UBE2O: variants seen among roughly 807,000 people sequenced by gnomAD.
UBE2O encodes (E3-independent) E2 ubiquitin-conjugating enzyme.
UBE2O carries 15 observed loss-of-function variants against 125.8 expected under a neutral mutation model. The observed-to-expected ratio is 0.12, with a 90% CI of 0.08 to 0.18. UBE2O has a LOEUF of 0.18. UBE2O is among the 10% of genes least tolerant of loss of function. UBE2O has a pLI of 1.00. For synonymous variants in UBE2O, 708 were observed against 703.2 expected, an observed-to-expected ratio of 1.01 and a Z score of -0.11; for missense variants, 1,280 against 1,723.6, an observed-to-expected ratio of 0.74 and a Z score of 4.56.
intron 15 of UBE2O, among the ~76,000 whole-genome samples, chr17:76,392,521 T>G (rs1203278693): frequency 6.6e-6 from 1 of 151,962 alleles, no homozygotes; most frequent in Non-Finnish European, 1.5e-5. Flanking sequence ...TGCCTCGGCC[T>G]CCCAAAGTGC....
In UBE2O at chr17:76,398,448, G is replaced by A. The variant is rs1460712908; in HGVS notation, c.1896+24C>T. On this transcript the variant is annotated intron_variant, in intron 11 of 17. Transcript: ENST00000319380. The surrounding 1 kb of genome is among the most constrained non-coding windows in gnomAD (Gnocchi z 5.4). ...CACCCAACCCCAGAGCCCACCTGAA[G>A]CAAGCAGTAGGGGCTGCACACACCT... The A allele has an allele frequency of 1.9e-6, 3 of 1,614,040 alleles. No individual in the cohort carries two copies. The highest frequency in any genetic ancestry group is 2.2e-5 in the East Asian group (1 of 44,880).
chr17:76,412,389 C>T (rs777506157), intron 1 of UBE2O, among the ~76,000 whole-genome samples: 1 of 152,294 alleles, frequency 6.6e-6, no homozygotes, highest in Admixed American at 6.5e-5. Context: ...CACTCCTCCA[C>T]CCCCTCCCTG....
intron 1 of UBE2O, among the ~76,000 whole-genome samples, chr17:76,440,948 C>T (rs2073068814): frequency 6.6e-6 from 1 of 152,208 alleles, no homozygotes; most frequent in Admixed American, 6.5e-5. Flanking sequence ...TCTCTCCCCA[C>T]AGCACCCAGC....
In UBE2O at chr17:76,405,924, G is replaced by A. The variant is rs1407015725; in HGVS notation, c.418-352C>T. Among the ~76,000 whole-genome samples, 1 of 152,234 alleles carries A rather than the reference G, an allele frequency of 6.6e-6. No homozygotes were observed. Among genetic ancestry groups the A allele is most frequent in the Admixed American group, 6.5e-5 (1 of 15,288 alleles). ...GATTTAACAGCCCATTCTACAGAGAGCAAAACATTTGCTTTGCGTTCAATC... is the reference window on the plus strand; with the variant it reads ...GATTTAACAGCCCATTCTACAGAGAACAAAACATTTGCTTTGCGTTCAATC... On this transcript the variant is annotated intron_variant, in intron 1 of 17. Transcript: ENST00000319380. The surrounding 1 kb of genome is among the most constrained non-coding windows in gnomAD (Gnocchi z 6.1).
chr17:76,400,896 C>T lies in UBE2O; in HGVS notation c.894+115G>A. On this transcript the variant is annotated intron_variant, in intron 6 of 17. Coordinates refer to ENST00000319380, the MANE Select transcript of UBE2O (RefSeq NM_022066.4). The surrounding 1 kb of genome is among the most constrained non-coding windows in gnomAD (Gnocchi z 4.3). ...CAAAGCCCTTTGAGATCAACAGGGTCCAGATGCTGAGGAGCGGGGCTCAAC... is the reference window on the plus strand; with the variant it reads ...CAAAGCCCTTTGAGATCAACAGGGTTCAGATGCTGAGGAGCGGGGCTCAAC... 1 of 1,285,458 alleles carries T rather than the reference C, an allele frequency of 7.8e-7. No individual in the cohort carries two copies. The highest frequency in any genetic ancestry group is 1.4e-5 in the South Asian group (1 of 70,162). The allele number at this position is 1,285,458 out of a possible 1,614,324, so 79.6% of individuals were successfully genotyped here.
Position 76,390,865 on chromosome 17 carries a change from AG to A in UBE2O, c.*77del, listed in dbSNP as rs1361464248. On this transcript the variant is annotated 3_prime_UTR_variant, in exon 18 of 18. Coordinates refer to ENST00000319380, the MANE Select transcript of UBE2O (RefSeq NM_022066.4). ...AGTGGGGACAGAGGGGCATGGGAAG[AG>A]GGGTGATTCCGGGGGGGAGTGAGCA... The A allele has an allele frequency of 2.1e-6, 3 of 1,427,268 alleles. No homozygotes were observed. The highest frequency in any genetic ancestry group is 2.8e-6 in the Non-Finnish European group (3 of 1,056,774). The allele number at this position is 1,427,268 out of a possible 1,614,324, so 88.4% of individuals were successfully genotyped here. A position where few individuals can be genotyped will look rare whatever the true frequency, so the allele number is the denominator to read the frequency against.
At chr17:76,403,178 A>G (rs1053181127) in intron 3 of UBE2O, among the ~76,000 whole-genome samples, 2 of 152,168 alleles carry the variant, frequency 1.3e-5, no homozygotes, top group African/African-American at 4.8e-5. Flanking sequence ...TTACTAACAG[A>G]AAGGGAGCAG....
At chr17:76,446,181 G>A (rs1024876147) in intron 1 of UBE2O, among the ~76,000 whole-genome samples, 1 of 152,152 alleles carries the variant, frequency 6.6e-6, no homozygotes, top group Non-Finnish European at 1.5e-5. Flanking sequence ...ATCAGAATAG[G>A]AGCACAGATC....
At chr17:76,417,862 C>T (rs1014049201) in intron 1 of UBE2O, among the ~76,000 whole-genome samples, 5 of 152,202 alleles carry the variant, frequency 3.3e-5, no homozygotes, top group Admixed American at 6.5e-5. Flanking sequence ...TCTCACTGCA[C>T]CTGCAGAATT....
At chr17:76,394,164 CCGCTTGGCTGCTCTCAGGAT>C (rs886547583) in intron 15 of UBE2O, among the ~76,000 whole-genome samples, 42 of 152,342 alleles carry the variant, frequency 2.8e-4, no homozygotes, top group Admixed American at 9.8e-4. Context: ...CAACAGCATC[CCGCTTGGCTGCTCTCAGGAT>C]CGCTTGGCTG....
At position 76,434,010 on chromosome 17, in the gene UBE2O, A is replaced by C. The variant is rs114806992; in HGVS notation, c.417+18715T>G. On this transcript the variant is annotated intron_variant, in intron 1 of 17. Coordinates refer to ENST00000319380, the MANE Select transcript of UBE2O (RefSeq NM_022066.4). ...TCAAACTATACTCACCAGAAGACAAAAACGAGCCCTCCTAACATCTTCTAC... is the reference window on the plus strand; with the variant it reads ...TCAAACTATACTCACCAGAAGACAACAACGAGCCCTCCTAACATCTTCTAC... 3.1e-3 allele frequency among the ~76,000 whole-genome samples: 476 copies of C among 152,362 alleles called. 5 individuals carry two copies. Among genetic ancestry groups the C allele is most frequent in the African/African-American group, 0.011 (451 of 41,582 alleles).
chr17:76,443,929 G>C lies in UBE2O; in HGVS notation c.417+8796C>G, dbSNP rs193282444. Among the ~76,000 whole-genome samples, 167 of 152,284 alleles carry C rather than the reference G, an allele frequency of 1.1e-3. 2 individuals are homozygous for C. The highest frequency in any genetic ancestry group is 3.8e-3 in the African/African-American group (160 of 41,568). On this transcript the variant is annotated intron_variant, in intron 1 of 17. Coordinates refer to ENST00000319380, the MANE Select transcript of UBE2O (RefSeq NM_022066.4). ...CCCAAGGAAGGAAATACCGTTAAGA[G>C]GGCATGGTCGGCCAGGCGCGGTAGC...
rs1455757282 is a variant in UBE2O at position 76,404,631 on chromosome 17, T to TG, written c.588+574dup. Among the ~76,000 whole-genome samples the TG allele has an allele frequency of 7.2e-5, 11 of 152,196 alleles. No individual in the cohort carries two copies. The highest frequency in any genetic ancestry group is 2.7e-4 in the African/African-American group (11 of 41,438). ...AATTATCAACGTTGATTTCCCAATCTGGGGGTTATATGGTGGTTGCACAGG... is the reference window on the plus strand; with the variant it reads ...AATTATCAACGTTGATTTCCCAATCTGGGGGGTTATATGGTGGTTGCACAGG... On this transcript the variant is annotated intron_variant, in intron 3 of 17. Transcript: ENST00000319380. The surrounding 1 kb of genome is among the most constrained non-coding windows in gnomAD (Gnocchi z 4.3).
At chr17:76,446,455 A>G (rs2073152648) in intron 1 of UBE2O, among the ~76,000 whole-genome samples, 1 of 121,082 alleles carries the variant, frequency 8.3e-6, no homozygotes, top group Non-Finnish European at 1.7e-5. Context: ...GAAAAAACAA[A>G]AACAAACAAA....
rs188326696 is a variant in UBE2O, at chr17:76,420,637, C to T, written c.418-15065G>A. Among the ~76,000 whole-genome samples, 242 of 152,310 alleles carry T rather than the reference C, an allele frequency of 1.6e-3. 1 individual carries two copies. Among genetic ancestry groups the T allele is most frequent in the Non-Finnish European group, 5.3e-4 (36 of 68,030 alleles). The stretch of plus-strand genomic sequence containing the variant: ...TGTAACTACATCTTTGCGAGACAAA[C>T]TGGGCTGGGGCGCTGCAGACATTTC... On this transcript the variant is annotated intron_variant, in intron 1 of 17. Coordinates refer to ENST00000319380, the MANE Select transcript of UBE2O (RefSeq NM_022066.4).
At chr17:76,440,338 C>CT (rs1254272012) in intron 1 of UBE2O, among the ~76,000 whole-genome samples, 1 of 151,872 alleles carries the variant, frequency 6.6e-6, no homozygotes, top group Non-Finnish European at 1.5e-5. Flanking sequence ...GTTTTTTTTA[C>CT]TTTGAGACAG....
intron 1 of UBE2O, among the ~76,000 whole-genome samples, chr17:76,416,952 C>CT (rs776193375): frequency 3.8e-4 from 58 of 152,362 alleles, no homozygotes; most frequent in Non-Finnish European, 6.8e-4. Flanking sequence ...AGGCTACACA[C>CT]TGCAGGGGAC....
Position 76,410,728 on chromosome 17 carries a change from C to CG in UBE2O, c.418-5157dup, listed in dbSNP as rs1341443932. On this transcript the variant is annotated intron_variant, in intron 1 of 17. Transcript: ENST00000319380. The surrounding 1 kb of genome is among the most constrained non-coding windows in gnomAD (Gnocchi z 4.0). ...CCACTCAGAGCAGGCATTCAGGAGC[C>CG]GGGGAAGCTCACCGGGGGCCTCTCC... Among the ~76,000 whole-genome samples, 59 of 148,284 alleles carry CG rather than the reference C, an allele frequency of 4.0e-4. No individual in the cohort carries two copies. The highest frequency in any genetic ancestry group is 1.5e-3 in the African/African-American group (59 of 39,932).
chr17:76,406,284 C>T lies in UBE2O; in HGVS notation c.418-712G>A, dbSNP rs184229717. Among the ~76,000 whole-genome samples the T allele has an allele frequency of 5.1e-4, 77 of 152,344 alleles. No individual in the cohort carries two copies. The Middle Eastern group carries it at 0.01, about 20-fold the overall frequency. ...CCAAAAGCCCAGGCACGTGATGCTC[C>T]CACCAGGCCAGCCTGCGTCTTTTTT... On this transcript the variant is annotated intron_variant, in intron 1 of 17. Transcript: ENST00000319380.
Sources: gnomAD v4.1 joint callset for allele counts (sites outside exome capture counted in the v4.1 genomes callset) on GRCh38, gnomAD v4.1.1 for gene constraint, Gnocchi (gnomAD v3.1) non-coding constraint, MANE v1.5 for transcripts, NCBI Gene and HGNC (gene_info 2026-07-23, HGNC 2026-07-21) for gene names.